PLEKHG7: variants seen among roughly 807,000 people sequenced by gnomAD.
PLEKHG7 encodes the protein pleckstrin homology domain-containing family G member 7.
PLEKHG7 carries 77 observed loss-of-function variants against 85.2 expected under a neutral mutation model. The observed-to-expected ratio is 0.90, with a 90% CI of 0.75 to 1.09. The LOEUF is 1.09. Ranked by LOEUF, PLEKHG7 falls within the 50% of genes least tolerant of loss-of-function variation. PLEKHG7 has a pLI of 0.00. For synonymous variants in PLEKHG7, 301 were observed against 302.4 expected (o/e 1.00, Z 0.05); for missense variants, 777 against 804.3 (o/e 0.97, Z 0.41).
chr12:92,754,871 T>C (rs1872783493), intron 11 of PLEKHG7, among the ~76,000 whole-genome samples: 1 of 152,166 alleles, frequency 6.6e-6, no homozygotes, highest in Non-Finnish European at 1.5e-5. Context: ...ACAATTCAAA[T>C]TGGTGATATT....
At position 92,755,925 on chromosome 12, in the gene PLEKHG7, GT is replaced by G. The variant is rs1565796039; in HGVS notation, c.1532del (p.Phe511SerfsTer6). On this transcript the variant is annotated frameshift_variant, in exon 12 of 17. Coordinates refer to ENST00000344636, the MANE Select transcript of PLEKHG7 (RefSeq NM_001377329.1). LOFTEE classifies it high-confidence loss of function. ...CACCGCTTTGGGATAGAGATAAAAG[GT>G]TTTTCATTCCAGAGGTACAAAAAAA... ...WPPLWDRDKRFFIPECLKHIF... is the reference protein window; with the variant it reads ...WPPLWDRDKRXFIPECLKHIF... The G allele has an allele frequency of 6.2e-7, 1 of 1,606,968 alleles. No individual in the cohort carries two copies. The highest frequency in any genetic ancestry group is 1.1e-5 in the South Asian group (1 of 89,616).
Position 92,770,230 on chromosome 12 carries a change from T to C in PLEKHG7, c.*35T>C, listed in dbSNP as rs76265877. On this transcript the variant is annotated 3_prime_UTR_variant, in exon 17 of 17. Transcript: ENST00000344636. ...ACAAGTGGCATGTCTTTTTAGAAGA[T>C]TATGGTTTAAGGTATAATTTCATTC... 44,812 of 1,429,552 alleles carry C rather than the reference T, an allele frequency of 0.031. 894 individuals are homozygous for C. Among genetic ancestry groups the C allele is most frequent in the Non-Finnish European group, 0.035 (36,155 of 1,024,570 alleles). 88.6% of individuals were successfully genotyped at this position (1,429,552 alleles called of 1,614,324 possible).
At chr12:92,756,433 C>A in intron 13 of PLEKHG7, 42 bp downstream of exon 13, 1 of 1,459,134 alleles carries the variant, frequency 6.9e-7, no homozygotes, top group South Asian at 1.1e-5. Context: ...ATCTGTGCCG[C>A]CTTGTAACTT....
At chr12:92,743,274 G>A (rs1298408666) in intron 9 of PLEKHG7, among the ~76,000 whole-genome samples, 6 of 152,172 alleles carry the variant, frequency 3.9e-5, no homozygotes, top group African/African-American at 1.2e-4. Context: ...CACATGGCAT[G>A]TCTGCTCACA....
chr12:92,707,727 T>C (rs749599624), intron 3 of PLEKHG7, 55 bp downstream of exon 3: 5 of 1,612,056 alleles, frequency 3.1e-6, no homozygotes, highest in Non-Finnish European at 4.2e-6. Context: ...TATTTACTAT[T>C]AGATTTTTAT....
intron 3 of PLEKHG7, among the ~76,000 whole-genome samples, chr12:92,717,349 A>G (rs1377617482): frequency 2.0e-5 from 3 of 152,212 alleles, no homozygotes; most frequent in Non-Finnish European, 2.9e-5. Context: ...CCAAAGTCAG[A>G]GTCATCTGGG....
At chr12:92,740,747 GT>G (rs1872329624) in intron 7 of PLEKHG7, 105 bp from the exon 8 acceptor site, 1 of 709,082 alleles carries the variant, frequency 1.4e-6, no homozygotes, top group South Asian at 1.7e-5. Context: ...TTTCTCCATT[GT>G]TTTGTAAAGT....
chr12:92,736,640 G>A, intron 6 of PLEKHG7, 63 bp downstream of exon 6: 1 of 1,026,748 alleles, frequency 9.7e-7, no homozygotes, highest in Non-Finnish European at 1.2e-6. Flanking sequence ...GTGGGGTGGG[G>A]AAGGTCGGGT....
chr12:92,721,451 G>C (rs558079522), intron 3 of PLEKHG7: 3 of 1,230,772 alleles, frequency 2.4e-6, no homozygotes, highest in Non-Finnish European at 3.0e-6. Flanking sequence ...TACCAGAAGG[G>C]AGACGAGACT....
In PLEKHG7 at chr12:92,706,728, A is replaced by G. The variant is rs755384833; in HGVS notation, c.97A>G (p.Ser33Gly). ...GAGGAGCCTGCCAAAGAACCAGGGG[A>G]GTCTCCTCCAGTTTGACCGGCAAGC... ...SLRSLPKNQG[S>G]LLQFDRQAPG... Residue 33 changes from serine (S) to glycine (G), a missense_variant, in exon 2 of 17, where the codon AGT (serine) becomes GGT (glycine). Transcript: ENST00000344636. The G allele has an allele frequency of 6.2e-7, 1 of 1,614,028 alleles. No homozygotes were observed. The highest frequency in any genetic ancestry group is 1.1e-5 in the South Asian group (1 of 91,084).
At chr12:92,708,938 G>A (rs142457106) in intron 3 of PLEKHG7, among the ~76,000 whole-genome samples, 49 of 152,304 alleles carry the variant, frequency 3.2e-4, no homozygotes, top group African/African-American at 9.9e-4. Flanking sequence ...CCATACATGT[G>A]AAACAGAATA....
At chr12:92,735,170 A>C (rs1872105215) in intron 5 of PLEKHG7, among the ~76,000 whole-genome samples, 1 of 152,186 alleles carries the variant, frequency 6.6e-6, no homozygotes, top group African/African-American at 2.4e-5. Context: ...TTTCTTTTCC[A>C]ACTGGCTGCT....
intron 13 of PLEKHG7, among the ~76,000 whole-genome samples, chr12:92,759,138 A>G (rs1414177798): frequency 6.6e-6 from 1 of 152,212 alleles, no homozygotes; most frequent in Non-Finnish European, 1.5e-5. Context: ...TCAAATAAGT[A>G]TATGTTCTCA....
intron 10 of PLEKHG7, among the ~76,000 whole-genome samples, chr12:92,749,196 G>A (rs1723175041): frequency 6.6e-6 from 1 of 152,150 alleles, no homozygotes; most frequent in African/African-American, 2.4e-5. Context: ...CACCACATGA[G>A]GCTAAGCTTT....
chr12:92,763,279 G>T (rs912727876), intron 14 of PLEKHG7, among the ~76,000 whole-genome samples: 14 of 151,998 alleles, frequency 9.2e-5, no homozygotes, highest in African/African-American at 3.4e-4. Flanking sequence ...CATCTTATGT[G>T]TTCAAAACAA....
chr12:92,754,055 G>T, intron 10 of PLEKHG7, 35 bp from the exon 11 acceptor site: 1 of 1,600,862 alleles, frequency 6.2e-7, no homozygotes, highest in Non-Finnish European at 8.5e-7. Flanking sequence ...TGGGAGAGGT[G>T]ATCATTCTGA....
rs763179318 is a variant in PLEKHG7 at position 92,740,988 on chromosome 12, G to C, written c.1035+40G>C. 2.1e-6 allele frequency: 3 copies of C among 1,403,430 alleles called. No homozygotes were observed. In the Admixed American group the frequency reaches 5.1e-5, roughly 24 times the overall value. The allele number at this position is 1,403,430 out of a possible 1,614,324, so 86.9% of individuals were successfully genotyped here. A position where few individuals can be genotyped will look rare whatever the true frequency, so the allele number is the denominator to read the frequency against. Reference sequence around the variant, plus strand: ...AAGATTCATGTTTTAACATTCACTAGAGGACCATGAAAATTCATGCTTGGT... The same window carrying C: ...AAGATTCATGTTTTAACATTCACTACAGGACCATGAAAATTCATGCTTGGT... On this transcript the variant is annotated intron_variant, in intron 8 of 16. Coordinates refer to ENST00000344636, the MANE Select transcript of PLEKHG7 (RefSeq NM_001377329.1).
chr12:92,748,120 G>C (rs1052353544), intron 10 of PLEKHG7, among the ~76,000 whole-genome samples: 1 of 152,118 alleles, frequency 6.6e-6, no homozygotes, highest in East Asian at 1.9e-4. Flanking sequence ...ATTACACATT[G>C]TACACATGTA....
intron 4 of PLEKHG7, 145 bp downstream of exon 4, chr12:92,729,265 C>G: frequency 6.7e-6 from 7 of 1,043,022 alleles, no homozygotes; most frequent in Non-Finnish European, 8.6e-6. Flanking sequence ...ACAACGGGCA[C>G]CAGCTGTTAC....
Sources: gnomAD v4.1 joint callset for allele counts (sites outside exome capture counted in the v4.1 genomes callset) on GRCh38, gnomAD v4.1.1 for gene constraint, MANE v1.5 for transcripts, NCBI Gene and HGNC (gene_info 2026-07-23, HGNC 2026-07-21) for gene names.